SNX9: variants seen among roughly 807,000 people sequenced by gnomAD.
SNX9 encodes the protein sorting nexin 9.
Under a neutral mutation model 89.4 loss-of-function variants are expected in SNX9, and 44 were observed. The observed-to-expected ratio is 0.49, with a 90% confidence interval of 0.39 to 0.63. The LOEUF is 0.63. Ranked by LOEUF, SNX9 falls within the 30% of genes least tolerant of loss-of-function variation. SNX9 has a pLI of 0.00. For missense variants in SNX9, 578 were observed against 736.1 expected (o/e 0.79, Z 2.49); for synonymous variants, 236 against 247.8 (o/e 0.95, Z 0.45).
chr6:157,915,656 T>TATATATATATATATATATACAC (rs1783450978), intron 9 of SNX9, among the ~76,000 whole-genome samples: 1 of 120,112 alleles, frequency 8.3e-6, no homozygotes, highest in African/African-American at 3.3e-5. Flanking sequence ...TATATATATA[T>TATATATATATATATATATACAC]ACACACACAC....
rs1781291122 is a variant in SNX9 at position 157,823,943 on chromosome 6, T to C, written c.12+497T>C. On this transcript the variant is annotated intron_variant, in intron 1 of 17. Transcript: ENST00000392185. This position sits in a 1 kb window ranked among gnomAD's most constrained non-coding sequence, Gnocchi z 4.6. ...GGACGCGGCGCTTCCCGTCCCGGCC[T>C]GCGGGGGCTCGCGGCCGGGGAGGGA... is the stretch of plus-strand genomic sequence containing the variant. 6.6e-6 allele frequency among the ~76,000 whole-genome samples: 1 copy of C among 151,946 alleles called. No individual in the cohort carries two copies. The highest frequency in any genetic ancestry group is 2.1e-4 in the South Asian group (1 of 4,828).
intron 13 of SNX9, among the ~76,000 whole-genome samples, chr6:157,934,856 T>C (rs1783891692): frequency 2.6e-5 from 4 of 152,132 alleles, no homozygotes; most frequent in Admixed American, 1.3e-4. Context: ...CCCAATCCAG[T>C]AGCAAGAAGC....
At chr6:157,906,280 A>C (rs1345600229) in intron 7 of SNX9, 68 bp downstream of exon 7, 2 of 1,239,600 alleles carry the variant, frequency 1.6e-6, no homozygotes, top group Non-Finnish European at 2.3e-6. Flanking sequence ...CTTTAAAGCT[A>C]AGCGAGTTAT....
At position 157,916,016 on chromosome 6, in the gene SNX9, C is replaced by T. The variant is rs960900036; in HGVS notation, c.950-5515C>T. Among the ~76,000 whole-genome samples the T allele has an allele frequency of 1.3e-4, 19 of 150,334 alleles. 1 individual carries two copies. Among genetic ancestry groups the T allele is most frequent in the African/African-American group, 4.1e-4 (17 of 41,112 alleles). ...AGGAGCTTTTTTGTGGGTATGGATT[C>T]TTTGGTTTTTTTGTCTTTTCTTTTT... On this transcript the variant is annotated intron_variant, in intron 9 of 17. Coordinates refer to ENST00000392185, the MANE Select transcript of SNX9 (RefSeq NM_016224.5).
At chr6:157,837,600 AG>A (rs1450036501) in intron 1 of SNX9, among the ~76,000 whole-genome samples, 1 of 152,228 alleles carries the variant, frequency 6.6e-6, no homozygotes, top group Non-Finnish European at 1.5e-5. Flanking sequence ...AGAAGCTTTA[AG>A]GAAGTAAAGA....
At chr6:157,868,098 TA>T (rs979316306) in intron 2 of SNX9, among the ~76,000 whole-genome samples, 1 of 152,234 alleles carries the variant, frequency 6.6e-6, no homozygotes, top group African/African-American at 2.4e-5. Flanking sequence ...ATCATTTTTC[TA>T]AGCTCTTTTC....
At chr6:157,902,820 A>G (rs924493614) in intron 6 of SNX9, among the ~76,000 whole-genome samples, 3 of 152,058 alleles carry the variant, frequency 2.0e-5, no homozygotes, top group African/African-American at 7.2e-5. Flanking sequence ...AACATGTGCC[A>G]CCGCGCCCAG....
intron 6 of SNX9, 86 bp downstream of exon 6, chr6:157,902,131 G>A: frequency 1.4e-5 from 17 of 1,241,336 alleles, no homozygotes; most frequent in Non-Finnish European, 1.8e-5. Context: ...GAGGCAGCTG[G>A]CCTTTTCCCT....
intron 1 of SNX9, among the ~76,000 whole-genome samples, chr6:157,843,101 T>C (rs536507472): frequency 6.6e-6 from 1 of 151,820 alleles, no homozygotes; most frequent in Non-Finnish European, 1.5e-5. Flanking sequence ...TCCTCAATTA[T>C]AATTTTGCAA....
chr6:157,939,917 G>A (rs1165940712), intron 16 of SNX9, among the ~76,000 whole-genome samples: 2 of 152,140 alleles, frequency 1.3e-5, no homozygotes, highest in African/African-American at 4.8e-5. Context: ...ATCCGAGGGA[G>A]GCAATGAGGT....
At position 157,878,816 on chromosome 6, in the gene SNX9, A is replaced by G. The variant is rs138111727; in HGVS notation, c.300+3640A>G. ...AAATTAGCAAAAATACTTCTGACTT[A>G]TGACGGATACAGGCTAATTCCATTC... On this transcript the variant is annotated intron_variant, in intron 4 of 17. Coordinates refer to ENST00000392185, the MANE Select transcript of SNX9 (RefSeq NM_016224.5). Among the ~76,000 whole-genome samples the G allele has an allele frequency of 2.2e-3, 331 of 152,348 alleles. 2 individuals carry two copies. Among genetic ancestry groups the G allele is most frequent in the African/African-American group, 7.4e-3 (307 of 41,578 alleles).
chr6:157,862,434 T>C (rs1341524727), intron 1 of SNX9, among the ~76,000 whole-genome samples: 2 of 152,228 alleles, frequency 1.3e-5, no homozygotes, highest in Admixed American at 1.3e-4. Context: ...CTACTCTTTA[T>C]GCAAAACTTC....
At chr6:157,873,051 A>C in intron 2 of SNX9, 51 bp from the exon 3 acceptor site, 12 of 1,462,546 alleles carry the variant, frequency 8.2e-6, no homozygotes, top group Non-Finnish European at 1.1e-5. Flanking sequence ...TTCTCCAGGA[A>C]ATCTCAACTG....
chr6:157,845,770 A>G (rs989660869), intron 1 of SNX9, among the ~76,000 whole-genome samples: 1 of 152,186 alleles, frequency 6.6e-6, no homozygotes, highest in African/African-American at 2.4e-5. Context: ...TTTGAGATTT[A>G]TGGCTGGTTC....
intron 2 of SNX9, among the ~76,000 whole-genome samples, chr6:157,870,319 C>T (rs1186273528): frequency 1.3e-5 from 2 of 150,150 alleles, no homozygotes; most frequent in African/African-American, 4.9e-5. Flanking sequence ...CACACACCTA[C>T]TCTCTCACCT....
In SNX9 at chr6:157,849,771, G is replaced by C. The variant is rs532859435; in HGVS notation, c.13-17776G>C. 2.0e-4 allele frequency among the ~76,000 whole-genome samples: 30 copies of C among 152,268 alleles called. No individual in the cohort carries two copies. The East Asian group carries it at 5.0e-3, about 25-fold the overall frequency. ...GAGAAGTTCCATCTAGAAGGCTGGGGAATGCTGGAGAGAAGGCAGGGTCTG... is the reference window on the plus strand; with the variant it reads ...GAGAAGTTCCATCTAGAAGGCTGGGCAATGCTGGAGAGAAGGCAGGGTCTG... On this transcript the variant is annotated intron_variant, in intron 1 of 17. Transcript: ENST00000392185.
chr6:157,883,555 G>A (rs570480709), intron 4 of SNX9, among the ~76,000 whole-genome samples: 1 of 152,314 alleles, frequency 6.6e-6, no homozygotes, highest in Admixed American at 6.5e-5. Context: ...TGAGGTTGAA[G>A]TACTTTTCCA....
intron 12 of SNX9, among the ~76,000 whole-genome samples, chr6:157,930,149 C>T (rs1783780053): frequency 6.6e-6 from 1 of 152,182 alleles, no homozygotes; most frequent in Non-Finnish European, 1.5e-5. Flanking sequence ...CTACCTCTGC[C>T]TCTTCCTCTA....
At chr6:157,894,463 G>GT (rs1251456871) in intron 4 of SNX9, among the ~76,000 whole-genome samples, 1 of 78,166 alleles carries the variant, frequency 1.3e-5, no homozygotes, top group Non-Finnish European at 2.5e-5. Flanking sequence ...AGATTTAAAT[G>GT]TTAAAAAAAA....
Sources: allele counts gnomAD v4.1 joint callset (sites outside exome capture counted in the v4.1 genomes callset), GRCh38; gene constraint gnomAD v4.1.1; non-coding constraint Gnocchi (gnomAD v3.1); transcripts MANE v1.5; gene names NCBI Gene and HGNC (gene_info 2026-07-23, HGNC 2026-07-21).